Variants in INPP4B observed in about 807,000 individuals in gnomAD.
The protein encoded by INPP4B is inositol polyphosphate-4-phosphatase type II B.
In INPP4B, 55 loss-of-function variants were observed where a neutral mutation model predicts 122.5. That is an observed-to-expected ratio of 0.45 (90% CI 0.36 to 0.56). The LOEUF (loss-of-function observed/expected upper bound fraction) is 0.56. Among genes scored for constraint, INPP4B ranks in the 20% least tolerant of loss-of-function variants. The pLI, the probability that INPP4B is intolerant of heterozygous loss-of-function variation, is 0.00. For missense variants in INPP4B, 1,000 were observed against 1,097.7 expected (o/e 0.91, Z 1.26); for synonymous variants, 403 against 388.7 (o/e 1.04, Z -0.43).
chr4:142,664,621 A>G (rs2150599860), intron 2 of INPP4B, among the ~76,000 whole-genome samples: 1 of 152,284 alleles, frequency 6.6e-6, no homozygotes, highest in South Asian at 2.1e-4. Context: ...TATAATACTT[A>G]TAATTATAAA....
At chr4:142,650,076 A>G (rs1191569698) in intron 2 of INPP4B, among the ~76,000 whole-genome samples, 1 of 152,218 alleles carries the variant, frequency 6.6e-6, no homozygotes, top group Non-Finnish European at 1.5e-5. Context: ...ATCCTTAAAG[A>G]AAATAATTTT....
intron 2 of INPP4B, among the ~76,000 whole-genome samples, chr4:142,568,555 A>G (rs1253769270): frequency 6.6e-6 from 1 of 152,210 alleles, no homozygotes; most frequent in Admixed American, 6.5e-5. Context: ...CTAAGTATCC[A>G]AAGAAGTTAA....
intron 2 of INPP4B, among the ~76,000 whole-genome samples, chr4:142,715,562 A>G (rs1197596514): frequency 2.0e-5 from 3 of 152,132 alleles, no homozygotes; most frequent in African/African-American, 7.2e-5. Flanking sequence ...TGAATACAAA[A>G]TGTCTATAAC....
At chr4:142,654,979 G>A (rs748221565) in intron 2 of INPP4B, among the ~76,000 whole-genome samples, 1 of 152,012 alleles carries the variant, frequency 6.6e-6, no homozygotes, top group Non-Finnish European at 1.5e-5. Flanking sequence ...TTAATTGAAA[G>A]GATTCCTGAA....
intron 1 of INPP4B, among the ~76,000 whole-genome samples, chr4:142,825,085 T>C (rs1357326359): frequency 6.6e-6 from 1 of 152,150 alleles, no homozygotes; most frequent in East Asian, 1.9e-4. Context: ...TGTCAGACTT[T>C]TTTAGTAACC....
At chr4:142,653,688 T>G (rs937269030) in intron 2 of INPP4B, among the ~76,000 whole-genome samples, 1 of 152,110 alleles carries the variant, frequency 6.6e-6, no homozygotes, top group Admixed American at 6.5e-5. Context: ...TCATACCAAT[T>G]AGAATGCCAA....
chr4:142,732,069 C>G (rs1766175451), intron 1 of INPP4B, among the ~76,000 whole-genome samples: 1 of 152,072 alleles, frequency 6.6e-6, no homozygotes, highest in Admixed American at 6.6e-5. Flanking sequence ...GTCTAAAGCA[C>G]AATCATTTAG....
At chr4:142,192,921 T>G (rs541190061) in intron 15 of INPP4B, among the ~76,000 whole-genome samples, 166 bp downstream of exon 15, 1 of 152,326 alleles carries the variant, frequency 6.6e-6, no homozygotes, top group Non-Finnish European at 1.5e-5. Context: ...TTGTTTAATC[T>G]AATTTCTTCT....
chr4:142,073,190 T>C (rs1293459534), intron 25 of INPP4B, among the ~76,000 whole-genome samples: 1 of 152,138 alleles, frequency 6.6e-6, no homozygotes, highest in African/African-American at 2.4e-5. Context: ...CATAATGATG[T>C]CATTCACACT....
intron 2 of INPP4B, among the ~76,000 whole-genome samples, chr4:142,640,773 A>G (rs999363397): frequency 2.0e-5 from 3 of 151,942 alleles, no homozygotes; most frequent in Admixed American, 6.6e-5. Context: ...TTTGAAAAGC[A>G]TTTTCAAAAA....
intron 2 of INPP4B, among the ~76,000 whole-genome samples, chr4:142,476,534 A>G (rs1008857363): frequency 2.6e-5 from 4 of 152,340 alleles, no homozygotes; most frequent in African/African-American, 9.6e-5. Flanking sequence ...AGTTGGATAC[A>G]GAAACAAGAC....
At chr4:142,553,774 C>T (rs1332671605) in intron 2 of INPP4B, among the ~76,000 whole-genome samples, 4 of 152,174 alleles carry the variant, frequency 2.6e-5, no homozygotes, top group Non-Finnish European at 5.9e-5. Flanking sequence ...AACATTTGCC[C>T]TTAAACCTGT....
intron 23 of INPP4B, among the ~76,000 whole-genome samples, chr4:142,102,270 C>T (rs532977511): frequency 4.6e-5 from 7 of 151,896 alleles, no homozygotes; most frequent in African/African-American, 1.4e-4. Context: ...ATAAATTGTG[C>T]CCTATTAACT....
intron 2 of INPP4B, among the ~76,000 whole-genome samples, chr4:142,641,731 T>C (rs181669477): frequency 0.011 from 1,640 of 152,262 alleles, 28 homozygotes; most frequent in African/African-American, 0.038. Context: ...TAAACATACG[T>C]GTGCATGTGT....
At chr4:142,792,360 T>A (rs1311884095) in intron 1 of INPP4B, among the ~76,000 whole-genome samples, 1 of 152,032 alleles carries the variant, frequency 6.6e-6, no homozygotes, top group Non-Finnish European at 1.5e-5. Context: ...CAAGAATCAT[T>A]CATATTTCTC....
intron 2 of INPP4B, among the ~76,000 whole-genome samples, chr4:142,466,487 A>C (rs1371390835): frequency 5.9e-5 from 9 of 152,218 alleles, no homozygotes; most frequent in African/African-American, 1.9e-4. Context: ...AATCAGATAC[A>C]AGGCAAATAA....
intron 2 of INPP4B, among the ~76,000 whole-genome samples, chr4:142,647,905 G>A (rs745719): frequency 0.78 from 118,764 of 152,226 alleles, 46,950 homozygotes; most frequent in East Asian, 0.85. Flanking sequence ...GTTTTCCACC[G>A]TTTGTAGTAA....
At chr4:142,814,747 T>C (rs888460863) in intron 1 of INPP4B, among the ~76,000 whole-genome samples, 2 of 152,182 alleles carry the variant, frequency 1.3e-5, no homozygotes, top group Non-Finnish European at 1.5e-5. Context: ...CATGAGTCCA[T>C]AGTGATATAA....
intron 2 of INPP4B, among the ~76,000 whole-genome samples, chr4:142,702,527 C>T (rs1469767298): frequency 6.6e-6 from 1 of 151,980 alleles, no homozygotes; most frequent in Non-Finnish European, 1.5e-5. Context: ...GAGTTCGAGA[C>T]CAGCTTGACC....
Sources: gnomAD v4.1 joint callset for allele counts (sites outside exome capture counted in the v4.1 genomes callset) on GRCh38, gnomAD v4.1.1 for gene constraint, MANE v1.5 for transcripts, NCBI Gene and HGNC (gene_info 2026-07-23, HGNC 2026-07-21) for gene names.